Variants in RASSF5 observed in about 807,000 individuals in gnomAD.
The protein encoded by RASSF5 is ras association domain-containing protein 5.
RASSF5 carries 25 observed loss-of-function variants against 40.5 expected under a neutral mutation model. That is an observed-to-expected ratio of 0.62 (90% CI 0.45 to 0.86). The LOEUF (loss-of-function observed/expected upper bound fraction) is 0.86, where lower values mean the gene tolerates loss of function less well. Ranked by LOEUF, RASSF5 falls within the 40% of genes least tolerant of loss-of-function variation. RASSF5 has a pLI of 0.00. For synonymous variants in RASSF5, 246 were observed against 252.4 expected (o/e 0.97, Z 0.24); for missense variants, 521 against 572.8 (o/e 0.91, Z 0.92).
At chr1:206,510,204 G>T (rs1165538618) in intron 1 of RASSF5, among the ~76,000 whole-genome samples, 4 of 152,072 alleles carry the variant, frequency 2.6e-5, no homozygotes, top group Middle Eastern at 3.2e-3. Context: ...TCCATGGTGA[G>T]GTTGCTTTGT....
At chr1:206,523,753 A>C (rs1389658907) in intron 1 of RASSF5, among the ~76,000 whole-genome samples, 1 of 98,388 alleles carries the variant, frequency 1.0e-5, no homozygotes, top group Non-Finnish European at 1.8e-5. Context: ...ATTTTATATA[A>C]TATACATAAT....
At chr1:206,563,354 T>C (rs1250086215) in intron 2 of RASSF5, among the ~76,000 whole-genome samples, 1 of 152,214 alleles carries the variant, frequency 6.6e-6, no homozygotes, top group Non-Finnish European at 1.5e-5. Flanking sequence ...AACTGCTTGG[T>C]AAAGGACATG....
intron 2 of RASSF5, chr1:206,543,690 AC>A (rs1667605282): frequency 6.6e-6 from 1 of 152,024 alleles, no homozygotes. Flanking sequence ...TGAGGCTCTC[AC>A]CTTTTGCCCT....
intron 2 of RASSF5, among the ~76,000 whole-genome samples, chr1:206,575,967 G>T (rs564978550): frequency 2.1e-4 from 32 of 152,326 alleles, no homozygotes; most frequent in Admixed American, 1.7e-3. Flanking sequence ...TCTGGCCTGA[G>T]ACTCCCCAGG....
chr1:206,586,562 T>G, intron 5 of RASSF5: 2 of 334,508 alleles, frequency 6.0e-6, no homozygotes, highest in Non-Finnish European at 5.6e-6. Context: ...CACAGAAACT[T>G]AAGATTATTG....
chr1:206,566,570 G>C (rs1668294456), intron 2 of RASSF5, among the ~76,000 whole-genome samples: 1 of 152,122 alleles, frequency 6.6e-6, no homozygotes, highest in African/African-American at 2.4e-5. Context: ...TTGCAGTGGG[G>C]AGCAAGAGGC....
rs1295425966 is a variant in RASSF5 at position 206,587,489 on chromosome 1, C to G, written c.*511C>G. 5.8e-6 allele frequency: 1 copy of G among 173,368 alleles called. No individual in the cohort carries two copies. The highest frequency in any genetic ancestry group is 1.7e-4 in the East Asian group (1 of 5,908). 10.7% of individuals were successfully genotyped at this position (173,368 alleles called of 1,614,324 possible). ...GTAATGCTCATAAAAGGACTGTTCC[C>G]GCGGCCCCAAGGTGCCTGTTGTTCA... is the stretch of plus-strand genomic sequence containing the variant. On this transcript the variant is annotated 3_prime_UTR_variant, in exon 6 of 6. Transcript: ENST00000579436.
At chr1:206,533,209 G>A (rs1553398174) in intron 1 of RASSF5, among the ~76,000 whole-genome samples, 1 of 152,188 alleles carries the variant, frequency 6.6e-6, no homozygotes, top group Non-Finnish European at 1.5e-5. Context: ...TTGAAGTGGT[G>A]ACTTGGCGGT....
intron 2 of RASSF5, among the ~76,000 whole-genome samples, chr1:206,581,340 G>A (rs1174752017): frequency 3.9e-5 from 6 of 152,166 alleles, no homozygotes; most frequent in Admixed American, 3.9e-4. Flanking sequence ...GCTCACACCT[G>A]TAATGCCAGC....
At chr1:206,553,053 T>C (rs1667886169) in intron 2 of RASSF5, among the ~76,000 whole-genome samples, 1 of 151,970 alleles carries the variant, frequency 6.6e-6, no homozygotes, top group South Asian at 2.1e-4. Flanking sequence ...ATACAAAAAA[T>C]TAGCCGGGTG....
intron 1 of RASSF5, among the ~76,000 whole-genome samples, chr1:206,517,099 G>A (rs1666768995): frequency 6.6e-6 from 1 of 152,228 alleles, no homozygotes; most frequent in South Asian, 2.1e-4. Context: ...TGGCATCTGA[G>A]CACAGACGTA....
At chr1:206,538,707 G>A (rs1270484059) in intron 2 of RASSF5, among the ~76,000 whole-genome samples, 4 of 152,216 alleles carry the variant, frequency 2.6e-5, no homozygotes, top group Non-Finnish European at 5.9e-5. Context: ...CTGGGCAAAT[G>A]TTCTCTCCCT....
chr1:206,563,119 G>A (rs1196166301), intron 2 of RASSF5, among the ~76,000 whole-genome samples: 1 of 152,164 alleles, frequency 6.6e-6, no homozygotes, highest in Admixed American at 6.5e-5. Flanking sequence ...CACATGGGAA[G>A]CTTGTGGGCC....
intron 2 of RASSF5, among the ~76,000 whole-genome samples, chr1:206,581,630 GA>G (rs200630945): frequency 2.4e-4 from 36 of 151,608 alleles, no homozygotes; most frequent in African/African-American, 7.8e-4. Flanking sequence ...GACAGAGAGA[GA>G]GGGGGGAGAG....
intron 1 of RASSF5, 119 bp downstream of exon 1, chr1:206,508,178 C>T: frequency 2.6e-6 from 2 of 767,388 alleles, no homozygotes; most frequent in Non-Finnish European, 3.7e-6. Flanking sequence ...AGGGGAGCCC[C>T]GAACATAAGG....
At chr1:206,528,471 C>T (rs1553397515) in intron 1 of RASSF5, among the ~76,000 whole-genome samples, 3 of 152,090 alleles carry the variant, frequency 2.0e-5, no homozygotes. Flanking sequence ...CTGCCTGATG[C>T]TATAATGGTG....
chr1:206,538,014 G>A (rs1667461482), intron 1 of RASSF5, among the ~76,000 whole-genome samples, 158 bp from the exon 2 acceptor site: 1 of 152,234 alleles, frequency 6.6e-6, no homozygotes, highest in South Asian at 2.1e-4. Context: ...GGATCCGAGA[G>A]CAGGGTGGCA....
intron 1 of RASSF5, among the ~76,000 whole-genome samples, chr1:206,523,368 T>C (rs1260827367): frequency 7.8e-6 from 1 of 127,458 alleles, no homozygotes; most frequent in Non-Finnish European, 1.6e-5. Context: ...TATTATATAA[T>C]ATAAATATTA....
Position 206,562,843 on chromosome 1 carries a change from A to T in RASSF5, c.580-20426A>T, listed in dbSNP as rs184681556. Among the ~76,000 whole-genome samples the T allele has an allele frequency of 1.2e-3, 183 of 151,626 alleles. 1 individual carries two copies. The highest frequency in any genetic ancestry group is 4.3e-3 in the African/African-American group (178 of 41,290). The stretch of plus-strand genomic sequence containing the variant: ...AGGCTGAGGCAGGAGAATGGTGTGA[A>T]CCCGGGAGGCGGAGCTTGCAGTAAG... On this transcript the variant is annotated intron_variant, in intron 2 of 5. Coordinates refer to ENST00000579436, the MANE Select transcript of RASSF5 (RefSeq NM_182663.4).
Sources: allele counts gnomAD v4.1 joint callset (sites outside exome capture counted in the v4.1 genomes callset), GRCh38; gene constraint gnomAD v4.1.1; transcripts MANE v1.5; gene names NCBI Gene and HGNC (gene_info 2026-07-23, HGNC 2026-07-21).